PCDHGA1: variants seen among roughly 807,000 people sequenced by gnomAD.
The protein encoded by PCDHGA1 is protocadherin gamma-A1.
PCDHGA1 carries 32 observed loss-of-function variants against 58.0 expected under a neutral mutation model. The observed-to-expected ratio is 0.55, with a 90% confidence interval of 0.42 to 0.74. The LOEUF is 0.74. Among genes scored for constraint, PCDHGA1 ranks in the 30% least tolerant of loss-of-function variants. The pLI, the probability that PCDHGA1 is intolerant of heterozygous loss-of-function variation, is 0.00. For missense variants in PCDHGA1, 1,205 were observed against 1,182.3 expected (o/e 1.02, Z -0.28); for synonymous variants, 498 against 501.1 (o/e 0.99, Z 0.08).
At position 141,486,348 on chromosome 5, in the gene PCDHGA1, A is replaced by G. The variant is rs754981437; in HGVS notation, c.2422-8459A>G. ...GATGTGAGCCTCCGCATTCCTGACC[A>G]CTTGCCATTTGCCCTCAAGTCTGCC... is the stretch of plus-strand genomic sequence containing the variant. On this transcript the variant is annotated intron_variant, in intron 1 of 3. Transcript: ENST00000517417. The surrounding 1 kb of genome is among the most constrained non-coding windows in gnomAD (Gnocchi z 5.0). 1.9e-6 allele frequency: 3 copies of G among 1,613,900 alleles called. No individual in the cohort carries two copies. The highest frequency in any genetic ancestry group is 2.5e-6 in the Non-Finnish European group (3 of 1,179,996).
chr5:141,339,692 G>A, intron 1 of PCDHGA1: 1 of 1,614,170 alleles, frequency 6.2e-7, no homozygotes, highest in South Asian at 1.1e-5. Context: ...CAATGCGCCT[G>A]TTTTTACACA....
At chr5:141,356,466 A>C in intron 1 of PCDHGA1, 1 of 1,613,768 alleles carries the variant, frequency 6.2e-7, no homozygotes, top group Non-Finnish European at 8.5e-7. Flanking sequence ...ACATCACTGT[A>C]ACTGCCACTG....
intron 1 of PCDHGA1, chr5:141,413,279 TCTC>T (rs759727755): frequency 2.4e-5 from 39 of 1,613,826 alleles, no homozygotes; most frequent in Non-Finnish European, 3.1e-5. Flanking sequence ...GCCCGGCAGA[TCTC>T]CTACTCAATT....
In PCDHGA1 at chr5:141,511,216, C is replaced by A. The variant is rs374915167; in HGVS notation, c.*43C>A. On this transcript the variant is annotated 3_prime_UTR_variant, in exon 4 of 4. Coordinates refer to ENST00000517417, the MANE Select transcript of PCDHGA1 (RefSeq NM_018912.3). Reference sequence around the variant, plus strand: ...GAGCCACAGGGCGGCCTCTCCCCAACCAGCCCAGCTTCTCCTTACCTGCAC... The same window carrying A: ...GAGCCACAGGGCGGCCTCTCCCCAAACAGCCCAGCTTCTCCTTACCTGCAC... The A allele has an allele frequency of 6.2e-7, 1 of 1,608,004 alleles. No homozygotes were observed. The highest frequency in any genetic ancestry group is 1.3e-5 in the African/African-American group (1 of 74,736).
intron 1 of PCDHGA1, chr5:141,342,278 C>T (rs933319538): frequency 2.0e-5 from 3 of 152,190 alleles, no homozygotes; most frequent in African/African-American, 7.2e-5. Flanking sequence ...TTTCTACTCA[C>T]AATAGCTGCT....
At chr5:141,428,095 A>G (rs1361784967) in intron 1 of PCDHGA1, 1 of 1,608,848 alleles carries the variant, frequency 6.2e-7, no homozygotes, top group East Asian at 2.2e-5. Flanking sequence ...TGGCTGTCCT[A>G]CCACGTGCTG....
At chr5:141,453,909 T>C (rs1484310834) in intron 1 of PCDHGA1, among the ~76,000 whole-genome samples, 1 of 152,236 alleles carries the variant, frequency 6.6e-6, no homozygotes, top group Non-Finnish European at 1.5e-5. Flanking sequence ...TTTCAAAGTA[T>C]GTCAGTGATC....
At chr5:141,506,076 T>C (rs2154593839) in intron 3 of PCDHGA1, among the ~76,000 whole-genome samples, 1 of 152,244 alleles carries the variant, frequency 6.6e-6, no homozygotes, top group South Asian at 2.1e-4. Flanking sequence ...TCCTTTGTAA[T>C]AGAGATTCGG....
At position 141,432,995 on chromosome 5, in the gene PCDHGA1, G is replaced by A. The variant is rs576866505; in HGVS notation, c.2422-61812G>A. On this transcript the variant is annotated intron_variant, in intron 1 of 3. Transcript: ENST00000517417. This position sits in a 1 kb window ranked among gnomAD's most constrained non-coding sequence, Gnocchi z 6.0. ...GTCGCACTTTGTGGGCGTGGACGGGGTGCAGGCTTTCCTGCAGACCTATTC... is the reference window on the plus strand; with the variant it reads ...GTCGCACTTTGTGGGCGTGGACGGGATGCAGGCTTTCCTGCAGACCTATTC... The A allele has an allele frequency of 1.2e-6, 2 of 1,614,226 alleles. No individual in the cohort carries two copies. The highest frequency in any genetic ancestry group is 3.3e-5 in the Admixed American group (2 of 60,028).
At chr5:141,418,029 G>A (rs775326655) in intron 1 of PCDHGA1, 1 of 1,614,022 alleles carries the variant, frequency 6.2e-7, no homozygotes, top group Non-Finnish European at 8.5e-7. Context: ...CTAGGGCTTA[G>A]TGTCCTGGAT....
intron 2 of PCDHGA1, among the ~76,000 whole-genome samples, chr5:141,500,788 A>T (rs1379810633): frequency 2.6e-5 from 4 of 152,198 alleles, no homozygotes; most frequent in Admixed American, 6.5e-5. Context: ...ATATTATTTT[A>T]CAGAATAAGT....
At chr5:141,350,653 T>C (rs1758530923) in intron 1 of PCDHGA1, 13 of 1,614,034 alleles carry the variant, frequency 8.1e-6, no homozygotes, top group Non-Finnish European at 1.1e-5. Context: ...CACGTTTCGT[T>C]GCAAAAGGCA....
chr5:141,364,832 C>G lies in PCDHGA1; in HGVS notation c.2421+31727C>G, dbSNP rs538468873. On this transcript the variant is annotated intron_variant, in intron 1 of 3. Coordinates refer to ENST00000517417, the MANE Select transcript of PCDHGA1 (RefSeq NM_018912.3). ...TGCGGATGTGGGTGTGAACTCTCTCCGGAGTTACCAGCTCAGCTCCAATCT... is the reference window on the plus strand; with the variant it reads ...TGCGGATGTGGGTGTGAACTCTCTCGGGAGTTACCAGCTCAGCTCCAATCT... The G allele has an allele frequency of 5.0e-6, 8 of 1,614,012 alleles. No individual in the cohort carries two copies. The African/African-American group carries it at 5.3e-5, about 11-fold the overall frequency.
chr5:141,509,308 C>G (rs943174290), intron 3 of PCDHGA1, among the ~76,000 whole-genome samples: 6 of 152,152 alleles, frequency 3.9e-5, no homozygotes, highest in African/African-American at 1.4e-4. Flanking sequence ...CAGAGGGAGG[C>G]TGGGAGAGAA....
chr5:141,414,193 A>C, intron 1 of PCDHGA1: 1 of 1,610,884 alleles, frequency 6.2e-7, no homozygotes, highest in Admixed American at 1.7e-5. Context: ...AGTGTTGATT[A>C]CAGTAGAAGA....
At chr5:141,447,636 T>C (rs772671166) in intron 1 of PCDHGA1, among the ~76,000 whole-genome samples, 49 of 152,136 alleles carry the variant, frequency 3.2e-4, no homozygotes, top group Non-Finnish European at 5.3e-4. Context: ...ACAGTATGAA[T>C]GATGGTAGAA....
chr5:141,341,045 T>G (rs185936268), intron 1 of PCDHGA1: 1 of 1,614,076 alleles, frequency 6.2e-7, no homozygotes, highest in East Asian at 2.2e-5. Context: ...CCTCACTCTG[T>G]ACCTGGTGGT....
intron 1 of PCDHGA1, chr5:141,410,823 C>CCAGACTGA (rs2095425464): frequency 2.1e-6 from 1 of 479,988 alleles, no homozygotes; most frequent in African/African-American, 2.5e-5. Flanking sequence ...AATAATGTCA[C>CCAGACTGA]CAGACTGAAG....
In PCDHGA1 at chr5:141,360,565, G is replaced by A. The variant is rs180935383; in HGVS notation, c.2421+27460G>A. On this transcript the variant is annotated intron_variant, in intron 1 of 3. Coordinates refer to ENST00000517417, the MANE Select transcript of PCDHGA1 (RefSeq NM_018912.3). Reference sequence around the variant, plus strand: ...GACTAAGATTAATTTAAAAATTGGCGAATCCACTAAGCCAGGTACAACATT... The same window carrying A: ...GACTAAGATTAATTTAAAAATTGGCAAATCCACTAAGCCAGGTACAACATT... 1.0e-4 allele frequency: 167 copies of A among 1,613,896 alleles called. No homozygotes were observed. The African/African-American group carries it at 1.9e-3, about 18-fold the overall frequency.
Sources: allele counts gnomAD v4.1 joint callset (sites outside exome capture counted in the v4.1 genomes callset), GRCh38; gene constraint gnomAD v4.1.1; non-coding constraint Gnocchi (gnomAD v3.1); transcripts MANE v1.5; gene names NCBI Gene and HGNC (gene_info 2026-07-23, HGNC 2026-07-21).